BRPF3: variants seen among roughly 807,000 people sequenced by gnomAD.
The protein encoded by BRPF3 is bromodomain and PHD finger-containing protein 3.
Under a neutral mutation model 102.0 loss-of-function variants are expected in BRPF3, and 18 were observed. The observed-to-expected ratio is 0.18, with a 90% CI of 0.12 to 0.26. BRPF3 has a LOEUF of 0.26. Ranked by LOEUF, BRPF3 falls within the 10% of genes least tolerant of loss-of-function variation. The pLI, the probability that BRPF3 is intolerant of heterozygous loss-of-function variation, is 1.00. For missense variants in BRPF3, 1,147 were observed against 1,567.8 expected (o/e 0.73, Z 4.53); for synonymous variants, 570 against 614.2 (o/e 0.93, Z 1.06).
intron 8 of BRPF3, among the ~76,000 whole-genome samples, chr6:36,216,313 C>T (rs1157116498): frequency 6.6e-6 from 1 of 152,188 alleles, no homozygotes; most frequent in Non-Finnish European, 1.5e-5. Context: ...GCTGAGAACA[C>T]TGCATTAAAA....
intron 4 of BRPF3, among the ~76,000 whole-genome samples, chr6:36,208,521 A>T (rs1407118408): frequency 6.6e-6 from 1 of 152,218 alleles, no homozygotes; most frequent in Non-Finnish European, 1.5e-5. Context: ...CCAAATTCTA[A>T]TTCAGTGGTC....
At chr6:36,223,646 A>C (rs1768628891) in intron 10 of BRPF3, among the ~76,000 whole-genome samples, 1 of 152,164 alleles carries the variant, frequency 6.6e-6, no homozygotes, top group African/African-American at 2.4e-5. Flanking sequence ...TTGACACATA[A>C]TCTTTATATA....
At chr6:36,211,001 C>T (rs1768084965) in intron 6 of BRPF3, among the ~76,000 whole-genome samples, 1 of 152,236 alleles carries the variant, frequency 6.6e-6, no homozygotes, top group African/African-American at 2.4e-5. Context: ...TGCCAAGCTG[C>T]CTCATGCCTG....
chr6:36,200,631 C>T lies in BRPF3; in HGVS notation c.309C>T (p.Cys103=). 1.2e-6 allele frequency: 2 copies of T among 1,614,212 alleles called. No individual in the cohort carries two copies. Among genetic ancestry groups the T allele is most frequent in the Non-Finnish European group, 1.7e-6 (2 of 1,180,040 alleles). The part of the protein sequence containing the change: ...PSSKGKKKES[C]SKHASGTSFH... ...CCAAGGGCAAAAAGAAGGAATCCTG[C>T]TCCAAGCATGCATCTGGTACTTCCT... Residue 103 remains cysteine (C), a synonymous_variant, in exon 2 of 13, where the codon TGC becomes TGT. Transcript: ENST00000357641. This position sits in a 1 kb window ranked among gnomAD's most constrained non-coding sequence, Gnocchi z 5.3.
intron 8 of BRPF3, among the ~76,000 whole-genome samples, chr6:36,214,721 A>G (rs1768265469): frequency 6.6e-6 from 1 of 152,218 alleles, no homozygotes; most frequent in Non-Finnish European, 1.5e-5. Context: ...ATTGGGGGAA[A>G]AAATCAATGA....
chr6:36,220,384 C>T (rs775373318), intron 9 of BRPF3, among the ~76,000 whole-genome samples: 9 of 152,092 alleles, frequency 5.9e-5, no homozygotes, highest in Non-Finnish European at 1.3e-4. Context: ...TATGTGTGTT[C>T]GTTCATTAAT....
chr6:36,228,233 G>C (rs966836491), intron 11 of BRPF3, among the ~76,000 whole-genome samples: 2 of 152,256 alleles, frequency 1.3e-5, no homozygotes, highest in African/African-American at 4.8e-5. Context: ...TGGAAACTTT[G>C]AAAGTGCTCC....
At chr6:36,221,106 C>T (rs186680010) in intron 9 of BRPF3, among the ~76,000 whole-genome samples, 16 of 152,196 alleles carry the variant, frequency 1.1e-4, no homozygotes, top group African/African-American at 3.6e-4. Flanking sequence ...CCAGAAGCTA[C>T]GGTGTACATT....
chr6:36,214,236 G>C lies in BRPF3; in HGVS notation c.2839G>C (p.Val947Leu). The change falls in exon 8 of 13, where the codon GTC (valine) becomes CTC (leucine). Residue 947 changes from valine to leucine, a missense_variant. By Grantham distance (32) the Val-to-Leu change is conservative. Coordinates refer to ENST00000357641, the MANE Select transcript of BRPF3 (RefSeq NM_015695.3). Reference sequence around the variant, plus strand: ...TAAGCTACAGAGAAGCCCAGACAGGGTCCTGGAGAATGGCGAGGACCATGG... The same window carrying C: ...TAAGCTACAGAGAAGCCCAGACAGGCTCCTGGAGAATGGCGAGGACCATGG... The part of the protein sequence containing the change: ...GVKLQRSPDR[V>L]LENGEDHGVA... The C allele has an allele frequency of 1.9e-6, 3 of 1,614,230 alleles. No homozygotes were observed. The highest frequency in any genetic ancestry group is 2.5e-6 in the Non-Finnish European group (3 of 1,180,040).
chr6:36,205,624 AC>A (rs1767877484), intron 3 of BRPF3, among the ~76,000 whole-genome samples: 1 of 152,166 alleles, frequency 6.6e-6, no homozygotes, highest in Non-Finnish European at 1.5e-5. Context: ...TGCATTTGAC[AC>A]CACAAATGAC....
At position 36,214,139 on chromosome 6, in the gene BRPF3, C is replaced by T; in HGVS notation, c.2742C>T (p.Thr914=). 6.2e-7 allele frequency: 1 copy of T among 1,614,208 alleles called. No individual in the cohort carries two copies. The highest frequency in any genetic ancestry group is 8.5e-7 in the Non-Finnish European group (1 of 1,180,042). ...INRLSLMAPD[T]PAGTPLSGVG... ...GACTATCCCTCATGGCCCCTGACAC[C>T]CCGGCCGGTACCCCACTTAGTGGTG... The change falls in exon 8 of 13, where the codon ACC becomes ACT. Residue 914 remains threonine (T), a synonymous_variant. Coordinates refer to ENST00000357641, the MANE Select transcript of BRPF3 (RefSeq NM_015695.3).
intron 9 of BRPF3, 78 bp from the exon 10 acceptor site, chr6:36,222,090 G>T: frequency 2.2e-6 from 3 of 1,383,442 alleles, no homozygotes; most frequent in Non-Finnish European, 2.0e-6. Flanking sequence ...GTCAGAGAGG[G>T]GAGAGGGGAG....
chr6:36,204,779 C>G lies in BRPF3; in HGVS notation c.1570C>G (p.His524Asp). Residue 524 changes from histidine (H) to aspartate (D), a missense_variant, in exon 3 of 13, where the codon CAC becomes GAC. His to Asp is a moderately conservative substitution (Grantham distance 81, BLOSUM62 -1). Coordinates refer to ENST00000357641, the MANE Select transcript of BRPF3 (RefSeq NM_015695.3). ...RNGVPLIRRLHSHLQSQRNAE... is the reference protein window; with the variant it reads ...RNGVPLIRRLDSHLQSQRNAE... ...TGGTGTCCCTCTTATCCGGCGCTTG[C>G]ACTCCCATCTGCAGTCCCAAAGAAA... 1 of 1,614,234 alleles carries G rather than the reference C, an allele frequency of 6.2e-7. No individual in the cohort carries two copies. Among genetic ancestry groups the G allele is most frequent in the Non-Finnish European group, 8.5e-7 (1 of 1,180,032 alleles).
At position 36,201,733 on chromosome 6, in the gene BRPF3, C is replaced by A. The variant is rs769940575; in HGVS notation, c.1411C>A (p.Leu471Ile). The stretch of plus-strand genomic sequence containing the variant: ...AGCAGGCCAAGACACACCCTCCACT[C>A]TCCCCATGCTTGCTGTCCCACAGAT... Reference protein sequence around the residue: ...EEAGQDTPSTLPMLAVPQIPS... With the variant: ...EEAGQDTPSTIPMLAVPQIPS... The change falls in exon 2 of 13, where the codon CTC becomes ATC. Residue 471 changes from leucine to isoleucine, a missense_variant. Leu to Ile is a conservative substitution (Grantham distance 5). Coordinates refer to ENST00000357641, the MANE Select transcript of BRPF3 (RefSeq NM_015695.3). The surrounding 1 kb of genome is among the most constrained non-coding windows in gnomAD (Gnocchi z 5.1). 2.9e-5 allele frequency: 47 copies of A among 1,611,622 alleles called. No individual in the cohort carries two copies. The South Asian group carries it at 5.0e-4, about 17-fold the overall frequency.
intron 9 of BRPF3, among the ~76,000 whole-genome samples, chr6:36,218,528 C>T (rs918763533): frequency 1.3e-5 from 2 of 149,530 alleles, no homozygotes; most frequent in African/African-American, 4.9e-5. Flanking sequence ...GGCCCGATCT[C>T]GGCTCACTGC....
In BRPF3 at chr6:36,232,782, T is replaced by C. The variant is rs1464239269; in HGVS notation, c.*2173T>C. 1 of 152,322 alleles carries C rather than the reference T, an allele frequency of 6.6e-6. No individual in the cohort carries two copies. Among genetic ancestry groups the C allele is most frequent in the African/African-American group, 2.4e-5 (1 of 41,466 alleles). The allele number at this position is 152,322 out of a possible 1,614,324, so 9.4% of individuals were successfully genotyped here. ...TCTCTCTGAGAAATAAATGTTCTAATGGGCAGTAGTTGCTGTGTTGTGTTT... is the reference window on the plus strand; with the variant it reads ...TCTCTCTGAGAAATAAATGTTCTAACGGGCAGTAGTTGCTGTGTTGTGTTT... On this transcript the variant is annotated 3_prime_UTR_variant, in exon 13 of 13. Coordinates refer to ENST00000357641, the MANE Select transcript of BRPF3 (RefSeq NM_015695.3).
In BRPF3 at chr6:36,201,241, T is replaced by C; in HGVS notation, c.919T>C (p.Leu307=). The change falls in exon 2 of 13, where the codon TTG becomes CTG. Residue 307 remains leucine (L), a synonymous_variant. Coordinates refer to ENST00000357641, the MANE Select transcript of BRPF3 (RefSeq NM_015695.3). The surrounding 1 kb of genome is among the most constrained non-coding windows in gnomAD (Gnocchi z 5.1). ...PEVCFANTVF[L]EPIEGIDNIP... ...AGTCTGCTTTGCTAACACCGTGTTC[T>C]TGGAACCTATTGAGGGCATTGACAA... 1 of 1,614,176 alleles carries C rather than the reference T, an allele frequency of 6.2e-7. No homozygotes were observed.
chr6:36,218,995 G>A (rs896314274), intron 9 of BRPF3, among the ~76,000 whole-genome samples: 1 of 152,194 alleles, frequency 6.6e-6, no homozygotes, highest in African/African-American at 2.4e-5. Flanking sequence ...CAAAGGAAAA[G>A]TGACTTGTCC....
At chr6:36,207,486 A>G (rs779419634) in intron 4 of BRPF3, 42 bp downstream of exon 4, 1 of 1,605,248 alleles carries the variant, frequency 6.2e-7, no homozygotes, top group Non-Finnish European at 8.5e-7. Flanking sequence ...GTTCAAGGCC[A>G]CTTTCTCCCA....
Sources: allele counts gnomAD v4.1 joint callset (sites outside exome capture counted in the v4.1 genomes callset), GRCh38; gene constraint gnomAD v4.1.1; non-coding constraint Gnocchi (gnomAD v3.1); transcripts MANE v1.5; gene names NCBI Gene and HGNC (gene_info 2026-07-23, HGNC 2026-07-21).